Variants in ATIC observed in about 807,000 individuals in gnomAD.
ATIC encodes the protein 5-aminoimidazole-4-carboxamide ribonucleotide formyltransferase/IMP cyclohydrolase, also known as bifunctional purine biosynthesis protein ATIC.
ATIC carries 64 observed loss-of-function variants against 72.5 expected under a neutral mutation model. That is an observed-to-expected ratio of 0.88 (90% CI 0.72 to 1.09). The LOEUF is 1.09. Among genes scored for constraint, ATIC ranks in the 50% least tolerant of loss-of-function variants. The probability of loss-of-function intolerance (pLI) is 0.00; values close to 1 mark genes in which losing one functional copy is unlikely to be tolerated. For synonymous variants in ATIC, 281 were observed against 267.1 expected (o/e 1.05, Z -0.51); for missense variants, 787 against 732.4 (o/e 1.07, Z -0.86).
intron 13 of ATIC, 193 bp downstream of exon 13, chr2:215,345,064 AC>A: frequency 1.5e-6 from 1 of 657,824 alleles, no homozygotes; most frequent in South Asian, 1.7e-5. Flanking sequence ...TATCTTTGGA[AC>A]CAGGTACTCA....
intron 4 of ATIC, among the ~76,000 whole-genome samples, chr2:215,322,113 G>C (rs2052774487): frequency 6.6e-6 from 1 of 151,972 alleles, no homozygotes; most frequent in Non-Finnish European, 1.5e-5. Flanking sequence ...ATGTTGGCCA[G>C]GTTGGTCTTG....
intron 12 of ATIC, among the ~76,000 whole-genome samples, chr2:215,342,642 G>A (rs1046532421): frequency 3.9e-5 from 6 of 152,112 alleles, no homozygotes; most frequent in African/African-American, 9.7e-5. Flanking sequence ...CATTCATCGT[G>A]CATTCATGTA....
At position 215,349,256 on chromosome 2, in the gene ATIC, A is replaced by G; in HGVS notation, c.1659+7A>G. On this transcript the variant is annotated splice_region_variant and intron_variant, in intron 15 of 15. Coordinates refer to ENST00000236959, the MANE Select transcript of ATIC (RefSeq NM_004044.7). The stretch of plus-strand genomic sequence containing the variant: ...CGTAGACAGAGCTAAAAGGGTAAGT[A>G]TGGAATTGGGTGCATTTGCTTAGAG... The G allele has an allele frequency of 1.9e-6, 3 of 1,614,092 alleles. No homozygotes were observed. The highest frequency in any genetic ancestry group is 2.5e-6 in the Non-Finnish European group (3 of 1,180,016).
chr2:215,325,004 T>C (rs536793974), intron 4 of ATIC, among the ~76,000 whole-genome samples: 9 of 152,140 alleles, frequency 5.9e-5, no homozygotes, highest in Non-Finnish European at 1.3e-4. Context: ...GAGGGAGTAC[T>C]GTGTATTCAG....
intron 14 of ATIC, 75 bp from the exon 15 acceptor site, chr2:215,349,019 G>A: frequency 6.7e-7 from 1 of 1,485,058 alleles, no homozygotes. Flanking sequence ...GGTGCTTTCT[G>A]GCATGGTGAT....
At chr2:215,358,003 TA>T in the ATIC span, among the ~76,000 whole-genome samples, 1 of 152,204 alleles carries the variant, frequency 6.6e-6, no homozygotes, top group African/African-American at 2.4e-5. Context: ...TTAATCACTT[TA>T]ATGAGTTTCA....
chr2:215,361,914 G>A, the ATIC span: 1 of 1,598,034 alleles, frequency 6.3e-7, no homozygotes, highest in Non-Finnish European at 8.6e-7. Context: ...AAAGATACCT[G>A]TAGAAAGAGA....
chr2:215,354,300 G>T (rs1443440014), downstream of ATIC, among the ~76,000 whole-genome samples: 5 of 152,200 alleles, frequency 3.3e-5, no homozygotes, highest in African/African-American at 1.2e-4. Flanking sequence ...AAAGTGCTGG[G>T]ATTACAGGTG....
chr2:215,326,522 A>C (rs1456130413), intron 6 of ATIC, among the ~76,000 whole-genome samples: 1 of 151,946 alleles, frequency 6.6e-6, no homozygotes, highest in African/African-American at 2.4e-5. Context: ...AGGCAGGAGA[A>C]TCGCTTGAAC....
chr2:215,321,117 A>G (rs2105998972), intron 4 of ATIC, among the ~76,000 whole-genome samples: 1 of 152,242 alleles, frequency 6.6e-6, no homozygotes, highest in South Asian at 2.1e-4. Flanking sequence ...CCTAAACCCT[A>G]TACCCATACG....
the ATIC span, chr2:215,368,044 G>C: frequency 1.7e-5 from 27 of 1,613,210 alleles, no homozygotes; most frequent in Non-Finnish European, 2.2e-5. Context: ...AGAAAAGGAA[G>C]AAAAAGCAAA....
At chr2:215,364,998 A>C in the ATIC span, 2 of 1,493,438 alleles carry the variant, frequency 1.3e-6, no homozygotes, top group Non-Finnish European at 1.8e-6. Flanking sequence ...GCATATAGAC[A>C]CAAGACAGAT....
At chr2:215,359,466 A>G in the ATIC span, among the ~76,000 whole-genome samples, 1 of 152,152 alleles carries the variant, frequency 6.6e-6, no homozygotes, top group African/African-American at 2.4e-5. Context: ...TGACCGACAT[A>G]TGTGAGACAG....
chr2:215,331,523 C>A (rs1244971764), intron 7 of ATIC, among the ~76,000 whole-genome samples: 1 of 151,764 alleles, frequency 6.6e-6, no homozygotes, highest in Non-Finnish European at 1.5e-5. Flanking sequence ...GCTGGGATTA[C>A]ATGCGCCCGC....
At chr2:215,335,076 C>T (rs959898527) in intron 10 of ATIC, 72 bp downstream of exon 10, 3 of 988,186 alleles carry the variant, frequency 3.0e-6, no homozygotes, top group African/African-American at 3.2e-5. Context: ...TTAATTGAAA[C>T]CATAACCTAT....
At chr2:215,336,981 T>C (rs2052962640) in intron 11 of ATIC, among the ~76,000 whole-genome samples, 1 of 152,168 alleles carries the variant, frequency 6.6e-6, no homozygotes, top group Non-Finnish European at 1.5e-5. Context: ...AGTTTTAACA[T>C]TGTGTGTGGT....
At chr2:215,361,694 C>A in the ATIC span, 1 of 1,260,336 alleles carries the variant, frequency 7.9e-7, no homozygotes, top group South Asian at 1.2e-5. Context: ...AAAAAAAATG[C>A]GGGGAGGTGG....
At chr2:215,344,499 T>C (rs2053051481) in intron 12 of ATIC, among the ~76,000 whole-genome samples, 1 of 152,126 alleles carries the variant, frequency 6.6e-6, no homozygotes, top group Non-Finnish European at 1.5e-5. Flanking sequence ...GAGACCAGCC[T>C]GGCCAACATG....
chr2:215,345,746 C>T (rs1467868799), intron 13 of ATIC, among the ~76,000 whole-genome samples: 1 of 152,198 alleles, frequency 6.6e-6, no homozygotes, highest in African/African-American at 2.4e-5. Context: ...CTAAGAAGTT[C>T]TGTAAGTCCA....
Sources: gnomAD v4.1 joint callset for allele counts (sites outside exome capture counted in the v4.1 genomes callset) on GRCh38, gnomAD v4.1.1 for gene constraint, MANE v1.5 for transcripts, NCBI Gene and HGNC (gene_info 2026-07-23, HGNC 2026-07-21) for gene names.